Variants in MINDY2 observed in about 807,000 individuals in gnomAD.
The protein encoded by MINDY2 is MINDY lysine 48 deubiquitinase 2.
MINDY2 carries 52 observed loss-of-function variants against 68.2 expected under a neutral mutation model. The observed-to-expected ratio is 0.76, with a 90% CI of 0.61 to 0.96. The LOEUF (loss-of-function observed/expected upper bound fraction) is 0.96. MINDY2 is among the 40% of genes least tolerant of loss of function. MINDY2 has a pLI of 0.00. For missense variants in MINDY2, 881 were observed against 773.4 expected (o/e 1.14, Z -1.65); for synonymous variants, 372 against 303.0 (o/e 1.23, Z -2.36).
At chr15:58,793,038 C>T (rs996345996) in intron 2 of MINDY2, among the ~76,000 whole-genome samples, 1 of 151,984 alleles carries the variant, frequency 6.6e-6, no homozygotes, top group Non-Finnish European at 1.5e-5. Context: ...AGAATAGGCA[C>T]ATTTATAGAG....
intron 2 of MINDY2, among the ~76,000 whole-genome samples, chr15:58,796,704 G>A (rs1026108270): frequency 1.3e-5 from 2 of 152,108 alleles, no homozygotes; most frequent in Admixed American, 6.6e-5. Flanking sequence ...TGTATTTTTC[G>A]TAGAGATGGG....
At chr15:58,829,894 C>G (rs549406993) in intron 5 of MINDY2, among the ~76,000 whole-genome samples, 1 of 152,136 alleles carries the variant, frequency 6.6e-6, no homozygotes, top group Non-Finnish European at 1.5e-5. Flanking sequence ...TGGAATAAAC[C>G]TATGTTATCT....
At chr15:58,773,609 A>T (rs1900579877) in intron 1 of MINDY2, among the ~76,000 whole-genome samples, 1 of 152,148 alleles carries the variant, frequency 6.6e-6, no homozygotes, top group South Asian at 2.1e-4. Context: ...AATGCATTTG[A>T]TATTCAAAAA....
In MINDY2 at chr15:58,818,856, G is replaced by C. The variant is rs112521870; in HGVS notation, c.1123-2861G>C. 1.3e-3 allele frequency among the ~76,000 whole-genome samples: 205 copies of C among 152,092 alleles called. 1 individual carries two copies. The highest frequency in any genetic ancestry group is 4.7e-3 in the African/African-American group (196 of 41,496). On this transcript the variant is annotated intron_variant, in intron 4 of 8. Transcript: ENST00000559228. ...GGGTTTCCTCGTGTTGGCCAGGCTG[G>C]TCTGGAACTGCTGACCTCAGGTGAT...
At chr15:58,834,906 G>A (rs1221725897) in intron 6 of MINDY2, among the ~76,000 whole-genome samples, 10 of 152,192 alleles carry the variant, frequency 6.6e-5, no homozygotes, top group Non-Finnish European at 1.3e-4. Flanking sequence ...ATTTTAGCTA[G>A]ATGTATGTCA....
intron 7 of MINDY2, among the ~76,000 whole-genome samples, chr15:58,849,737 G>C (rs780014715): frequency 1.3e-5 from 2 of 152,038 alleles, no homozygotes; most frequent in Admixed American, 1.3e-4. Context: ...GATCTTTCCA[G>C]GCAACAACCT....
At chr15:58,821,329 T>TAA (rs1225952047) in intron 4 of MINDY2, among the ~76,000 whole-genome samples, 2 of 141,050 alleles carry the variant, frequency 1.4e-5, no homozygotes, top group African/African-American at 2.6e-5. Context: ...GTTTTTTAGT[T>TAA]AAAAAAAAAA....
chr15:58,779,026 T>C (rs1900963246), intron 1 of MINDY2, among the ~76,000 whole-genome samples: 1 of 151,684 alleles, frequency 6.6e-6, no homozygotes, highest in South Asian at 2.1e-4. Context: ...CCTTCCAAAC[T>C]ATTAAGATTA....
chr15:58,846,684 G>A (rs1013280379), intron 6 of MINDY2, among the ~76,000 whole-genome samples: 7 of 151,372 alleles, frequency 4.6e-5, no homozygotes, highest in Admixed American at 2.0e-4. Flanking sequence ...AAAAAAATTT[G>A]TATGCACGTA....
In MINDY2 at chr15:58,859,543, A is replaced by T. The variant is rs1024271710; in HGVS notation, c.*4933A>T. 6.6e-6 allele frequency: 1 copy of T among 152,198 alleles called. No homozygotes were observed. Among genetic ancestry groups the T allele is most frequent in the South Asian group, 2.1e-4 (1 of 4,834 alleles). 9.4% of individuals were successfully genotyped at this position (152,198 alleles called of 1,614,324 possible). On this transcript the variant is annotated 3_prime_UTR_variant, in exon 9 of 9. Transcript: ENST00000559228. ...TAGTATATTTTATTAATGATGTCCA[A>T]CACCTCTAAGATTGTTGAGAAAACA... is the stretch of plus-strand genomic sequence containing the variant.
Position 58,771,361 on chromosome 15 carries a change from G to T in MINDY2, c.-35G>T. On this transcript the variant is annotated 5_prime_UTR_variant, in exon 1 of 9. Transcript: ENST00000559228. ...AGGCGCTGGCTGCGGAGAAGTGGCCGCGGTCTCCATAGAGCTGGGGGCGGG... is the reference window on the plus strand; with the variant it reads ...AGGCGCTGGCTGCGGAGAAGTGGCCTCGGTCTCCATAGAGCTGGGGGCGGG... The T allele has an allele frequency of 6.3e-7, 1 of 1,576,832 alleles. No individual in the cohort carries two copies. Among genetic ancestry groups the T allele is most frequent in the Non-Finnish European group, 8.6e-7 (1 of 1,163,964 alleles).
Position 58,857,954 on chromosome 15 carries a change from G to A in MINDY2, c.*3344G>A, listed in dbSNP as rs192878464. The A allele has an allele frequency of 3.3e-4, 50 of 152,250 alleles. No individual in the cohort carries two copies. The highest frequency in any genetic ancestry group is 1.2e-3 in the African/African-American group (48 of 41,542). The allele number at this position is 152,250 out of a possible 1,614,324, so 9.4% of individuals were successfully genotyped here. On this transcript the variant is annotated 3_prime_UTR_variant, in exon 9 of 9. Coordinates refer to ENST00000559228, the MANE Select transcript of MINDY2 (RefSeq NM_001040450.3). ...TGTCTAATCCCATTGCATCCACAAT[G>A]CTGTGATTTATAGTACATGATCAAC...
chr15:58,843,202 T>C (rs1266038290), intron 6 of MINDY2, among the ~76,000 whole-genome samples: 1 of 152,090 alleles, frequency 6.6e-6, no homozygotes, highest in East Asian at 1.9e-4. Flanking sequence ...CAAGCTGGAG[T>C]ACAGTGGCAC....
chr15:58,799,347 C>T (rs1358719041), intron 2 of MINDY2, among the ~76,000 whole-genome samples: 1 of 152,168 alleles, frequency 6.6e-6, no homozygotes, highest in Non-Finnish European at 1.5e-5. Context: ...GCAGGCGGAT[C>T]ACGAGGTCGG....
At chr15:58,814,576 G>A (rs1034433806) in intron 4 of MINDY2, among the ~76,000 whole-genome samples, 9 of 150,466 alleles carry the variant, frequency 6.0e-5, no homozygotes, top group Admixed American at 5.3e-4. Flanking sequence ...ATGAGATCTC[G>A]CCATATTGCT....
chr15:58,799,286 G>A (rs1260877138), intron 2 of MINDY2, among the ~76,000 whole-genome samples: 4 of 152,154 alleles, frequency 2.6e-5, no homozygotes, highest in Non-Finnish European at 5.9e-5. Flanking sequence ...AAGCAAACAC[G>A]GCTGGGCGCG....
chr15:58,823,406 G>GC (rs2031198847), intron 5 of MINDY2, among the ~76,000 whole-genome samples: 1 of 152,054 alleles, frequency 6.6e-6, no homozygotes, highest in Non-Finnish European at 1.5e-5. Context: ...GGACATTGTG[G>GC]CCCACACCTG....
intron 6 of MINDY2, among the ~76,000 whole-genome samples, chr15:58,839,903 G>A (rs1261092561): frequency 6.6e-6 from 1 of 150,404 alleles, no homozygotes; most frequent in Non-Finnish European, 1.5e-5. Flanking sequence ...AGCAATCTCA[G>A]CTCACTGCAA....
intron 7 of MINDY2, among the ~76,000 whole-genome samples, chr15:58,848,958 C>T (rs1371721716): frequency 6.6e-6 from 1 of 151,140 alleles, no homozygotes. Context: ...ACCTATAATC[C>T]CAGCACTTTG....
Sources: gnomAD v4.1 joint callset for allele counts (sites outside exome capture counted in the v4.1 genomes callset) on GRCh38, gnomAD v4.1.1 for gene constraint, MANE v1.5 for transcripts, NCBI Gene and HGNC (gene_info 2026-07-23, HGNC 2026-07-21) for gene names.